Variants in TBC1D14 observed in about 807,000 individuals in gnomAD.
TBC1D14 encodes the protein TBC1 domain family, member 14.
Under a neutral mutation model 79.0 loss-of-function variants are expected in TBC1D14, and 26 were observed. The ratio of observed to expected loss-of-function variants is 0.33; its 90% CI spans 0.24 to 0.46. The LOEUF is 0.46. Ranked by LOEUF, TBC1D14 falls within the 20% of genes least tolerant of loss-of-function variation. The pLI is 1.00. For missense variants in TBC1D14, 769 were observed against 887.6 expected (o/e 0.87, Z 1.70); for synonymous variants, 394 against 349.9 (o/e 1.13, Z -1.40).
chr4:6,922,046 TTTTG>T (rs1019750115), intron 1 of TBC1D14, among the ~76,000 whole-genome samples: 9 of 151,866 alleles, frequency 5.9e-5, no homozygotes, highest in Non-Finnish European at 7.4e-5. Context: ...GATTAATGGA[TTTTG>T]TTTGTTTGTT....
At chr4:6,986,526 T>C (rs991156942) in intron 3 of TBC1D14, among the ~76,000 whole-genome samples, 1 of 152,174 alleles carries the variant, frequency 6.6e-6, no homozygotes, top group Non-Finnish European at 1.5e-5. Context: ...CTGCCGGCGA[T>C]TTGGTAGTTC....
In TBC1D14 at chr4:7,030,673, C is replaced by A; in HGVS notation, c.*281C>A. Reference sequence around the variant, plus strand: ...CGATGGGCAGTGGCTCACCCCCACTCCTTTATTTCAGCAAAAGCTAATTAA... The same window carrying A: ...CGATGGGCAGTGGCTCACCCCCACTACTTTATTTCAGCAAAAGCTAATTAA... On this transcript the variant is annotated 3_prime_UTR_variant, in exon 14 of 14. Coordinates refer to ENST00000409757, the MANE Select transcript of TBC1D14 (RefSeq NM_020773.3). The A allele has an allele frequency of 3.1e-6, 1 of 321,640 alleles. No individual in the cohort carries two copies. Among genetic ancestry groups the A allele is most frequent in the East Asian group, 5.6e-5 (1 of 17,890 alleles). The allele number at this position is 321,640 out of a possible 1,614,324, so 19.9% of individuals were successfully genotyped here.
intron 13 of TBC1D14, among the ~76,000 whole-genome samples, chr4:7,028,107 C>T (rs998118448): frequency 6.7e-6 from 1 of 149,510 alleles, no homozygotes; most frequent in African/African-American, 2.5e-5. Flanking sequence ...TATCACAGCC[C>T]CACACACACG....
chr4:6,976,499 C>G (rs921911724), intron 3 of TBC1D14, among the ~76,000 whole-genome samples: 1 of 152,128 alleles, frequency 6.6e-6, no homozygotes, highest in African/African-American at 2.4e-5. Flanking sequence ...ACCGTGGAGG[C>G]CAGAAAAAGT....
chr4:6,990,144 A>C (rs79072359), intron 3 of TBC1D14, among the ~76,000 whole-genome samples: 44 of 152,266 alleles, frequency 2.9e-4, no homozygotes, highest in African/African-American at 8.9e-4. Flanking sequence ...ACTTTGAAGA[A>C]CCTTGTTCTA....
chr4:6,973,600 G>C (rs952548831), intron 3 of TBC1D14, among the ~76,000 whole-genome samples: 1 of 151,972 alleles, frequency 6.6e-6, no homozygotes, highest in African/African-American at 2.4e-5. Flanking sequence ...GGTGAGTTGG[G>C]GAAGAAGACC....
At chr4:6,998,191 C>T (rs1381252119) in intron 5 of TBC1D14, among the ~76,000 whole-genome samples, 2 of 151,932 alleles carry the variant, frequency 1.3e-5, no homozygotes, top group Non-Finnish European at 2.9e-5. Context: ...AAAACCCTGT[C>T]TCTACTAAAA....
chr4:6,928,246 G>A (rs1424500616), intron 2 of TBC1D14, among the ~76,000 whole-genome samples: 1 of 152,198 alleles, frequency 6.6e-6, no homozygotes, highest in East Asian at 1.9e-4. Flanking sequence ...AGGCTGGGAG[G>A]TGGGGGCACC....
rs192324922 is a variant in TBC1D14 at position 6,950,049 on chromosome 4, G to C, written c.723-17255G>C. Among the ~76,000 whole-genome samples, 299 of 152,160 alleles carry C rather than the reference G, an allele frequency of 2.0e-3. 1 individual carries two copies. The highest frequency in any genetic ancestry group is 2.7e-3 in the Non-Finnish European group (181 of 68,022). ...ACATGCATTAGGCATTTGTCCTAAT[G>C]CTCCCTCTCCCCGTGCTCCCCACCT... On this transcript the variant is annotated intron_variant, in intron 2 of 13. Coordinates refer to ENST00000409757, the MANE Select transcript of TBC1D14 (RefSeq NM_020773.3).
chr4:6,991,054 C>G (rs1370991677), intron 3 of TBC1D14, among the ~76,000 whole-genome samples: 1 of 152,216 alleles, frequency 6.6e-6, no homozygotes, highest in Non-Finnish European at 1.5e-5. Context: ...GTCACCATTT[C>G]CAACACCATT....
chr4:6,912,871 T>A (rs1020962796), intron 1 of TBC1D14, among the ~76,000 whole-genome samples: 1 of 152,218 alleles, frequency 6.6e-6, no homozygotes, highest in Non-Finnish European at 1.5e-5. Context: ...AAGAAATGAG[T>A]CCAAGCTTAC....
At chr4:6,950,115 T>C (rs1577073999) in intron 2 of TBC1D14, among the ~76,000 whole-genome samples, 1 of 152,176 alleles carries the variant, frequency 6.6e-6, no homozygotes, top group East Asian at 1.9e-4. Context: ...CCTGTGTCCA[T>C]GCGTACTCAT....
intron 3 of TBC1D14, among the ~76,000 whole-genome samples, chr4:6,975,618 G>T (rs1051190711): frequency 5.3e-5 from 8 of 152,280 alleles, no homozygotes; most frequent in Admixed American, 4.6e-4. Flanking sequence ...ACAAGTAAGG[G>T]TGCACACTTC....
chr4:6,994,248 A>G lies in TBC1D14; in HGVS notation c.908A>G (p.Asn303Ser), dbSNP rs778082570. 6 of 1,614,112 alleles carry G rather than the reference A, an allele frequency of 3.7e-6. No individual in the cohort carries two copies. The African/African-American group carries it at 8.0e-5, about 22-fold the overall frequency. ...PPSPKQNVRK[N>S]LDFEPLSTTA... ...TCTCCAAAGCAGAATGTGAGGAAGA[A>G]TCTTGACTTTGAACCACTTTCCACC... is the stretch of plus-strand genomic sequence containing the variant. Residue 303 changes from asparagine (N) to serine (S), a missense_variant, in exon 4 of 14, where the codon AAT becomes AGT. Asn to Ser is a conservative substitution (Grantham distance 46). Transcript: ENST00000409757.
intron 1 of TBC1D14, among the ~76,000 whole-genome samples, chr4:6,912,364 G>A (rs1273269205): frequency 6.6e-6 from 1 of 152,008 alleles, no homozygotes; most frequent in Non-Finnish European, 1.5e-5. Flanking sequence ...TGGTGACAGA[G>A]CTAGACTCCG....
intron 9 of TBC1D14, among the ~76,000 whole-genome samples, chr4:7,009,228 G>T (rs1720510491): frequency 6.6e-6 from 1 of 152,204 alleles, no homozygotes; most frequent in African/African-American, 2.4e-5. Flanking sequence ...CTTCTCACAT[G>T]CTAACTTCAG....
At chr4:7,028,778 C>T (rs1201890799) in intron 13 of TBC1D14, among the ~76,000 whole-genome samples, 1 of 152,026 alleles carries the variant, frequency 6.6e-6, no homozygotes, top group Non-Finnish European at 1.5e-5. Flanking sequence ...GTGGTCCATG[C>T]ACATTTCTCT....
chr4:6,961,540 C>G (rs946081803), intron 2 of TBC1D14, among the ~76,000 whole-genome samples: 2 of 152,190 alleles, frequency 1.3e-5, no homozygotes, highest in South Asian at 4.2e-4. Flanking sequence ...CTCATTTAAT[C>G]CTGAGTCTCC....
intron 7 of TBC1D14, among the ~76,000 whole-genome samples, chr4:7,004,253 C>G (rs1719961828): frequency 6.6e-6 from 1 of 152,240 alleles, no homozygotes; most frequent in East Asian, 1.9e-4. Context: ...TGGAGGCTGT[C>G]ATGATCCTTC....
Sources: gnomAD v4.1 joint callset for allele counts (sites outside exome capture counted in the v4.1 genomes callset) on GRCh38, gnomAD v4.1.1 for gene constraint, MANE v1.5 for transcripts, NCBI Gene and HGNC (gene_info 2026-07-23, HGNC 2026-07-21) for gene names.